The following EARS2 variants were observed in gnomAD, a reference collection of about 807,000 sequenced individuals.
EARS2 encodes the protein nondiscriminating glutamyl-tRNA synthetase EARS2, mitochondrial.
Under a neutral mutation model 54.1 loss-of-function variants are expected in EARS2, and 50 were observed. The ratio of observed to expected loss-of-function variants is 0.92; its 90% CI spans 0.74 to 1.17. The LOEUF (loss-of-function observed/expected upper bound fraction) is 1.17, where lower values mean the gene tolerates loss of function less well. Ranked by LOEUF, EARS2 falls within the 50% of genes most tolerant of loss-of-function variation. The pLI is 0.00. For missense variants in EARS2, 673 were observed against 675.0 expected (o/e 1.00, Z 0.03); for synonymous variants, 298 against 281.0 (o/e 1.06, Z -0.61).
chr16:23,525,056 G>C (rs1965201559), intron 8 of EARS2, 188 bp downstream of exon 8: 1 of 716,670 alleles, frequency 1.4e-6, no homozygotes, highest in Non-Finnish European at 2.3e-6. Flanking sequence ...TGTATTCACT[G>C]TACCTAACAC....
intron 8 of EARS2, among the ~76,000 whole-genome samples, chr16:23,524,847 GT>G (rs1844235441): frequency 2.6e-5 from 4 of 152,026 alleles, no homozygotes; most frequent in Admixed American, 2.0e-4. Flanking sequence ...GTTTCACCAT[GT>G]TGCCCAGGCT....
chr16:23,544,883 C>T, intron 2 of EARS2, 180 bp from the exon 3 acceptor site: 1 of 559,236 alleles, frequency 1.8e-6, no homozygotes, highest in East Asian at 3.1e-5. Flanking sequence ...CTGATGTCGC[C>T]AAGGCTGGAG....
rs746929664 is a variant in EARS2 at position 23,557,332 on chromosome 16, G to C, written c.12C>G (p.Leu4=). Residue 4 remains leucine (L), a synonymous_variant, in exon 1 of 9, where the codon CTC becomes CTG. Coordinates refer to ENST00000449606, the MANE Select transcript of EARS2 (RefSeq NM_001083614.2). MAA[L]LRRLLQRERP... ...TCTCGCGCTGCAGCAGTCTCCTCAG[G>C]AGCGCCGCCATGTGGGATGGAATAG... 8 of 1,548,192 alleles carry C rather than the reference G, an allele frequency of 5.2e-6. No individual in the cohort carries two copies. The highest frequency in any genetic ancestry group is 3.5e-5 in the South Asian group (3 of 85,062).
chr16:23,525,794 G>A (rs981107201), intron 7 of EARS2, among the ~76,000 whole-genome samples: 28 of 151,986 alleles, frequency 1.8e-4, no homozygotes, highest in African/African-American at 6.0e-4. Flanking sequence ...TCAGGTGTTC[G>A]AGACCAACCT....
chr16:23,538,050 T>A (rs529914982), intron 3 of EARS2, among the ~76,000 whole-genome samples: 3 of 151,988 alleles, frequency 2.0e-5, no homozygotes, highest in Admixed American at 6.6e-5. Flanking sequence ...CCCAAAGTGC[T>A]GGGATTACAG....
intron 3 of EARS2, among the ~76,000 whole-genome samples, chr16:23,541,008 A>G (rs1391336352): frequency 6.6e-6 from 1 of 151,064 alleles, no homozygotes; most frequent in African/African-American, 2.4e-5. Flanking sequence ...TAAATAAATA[A>G]ATAAATAACA....
intron 7 of EARS2, among the ~76,000 whole-genome samples, chr16:23,527,694 C>T (rs1356493859): frequency 6.6e-6 from 1 of 151,908 alleles, no homozygotes; most frequent in Non-Finnish European, 1.5e-5. Context: ...GCTGGGACTA[C>T]AGGCGCCCAC....
At chr16:23,547,661 C>G (rs182467220) in intron 2 of EARS2, among the ~76,000 whole-genome samples, 2 of 152,076 alleles carry the variant, frequency 1.3e-5, no homozygotes, top group South Asian at 4.1e-4. Flanking sequence ...TGTGCCACCA[C>G]GCCCAACTAA....
chr16:23,533,866 G>A (rs904442824), intron 4 of EARS2, among the ~76,000 whole-genome samples: 2 of 152,118 alleles, frequency 1.3e-5, no homozygotes, highest in African/African-American at 4.8e-5. Context: ...GAACAGCCTG[G>A]ACAACATGGT....
At chr16:23,527,893 T>C (rs1044288470) in intron 7 of EARS2, among the ~76,000 whole-genome samples, 3 of 152,326 alleles carry the variant, frequency 2.0e-5, no homozygotes, top group Middle Eastern at 3.4e-3. Flanking sequence ...ATGTTCGGAA[T>C]GTTTGTGTTC....
chr16:23,552,463 G>A (rs953702830), intron 1 of EARS2, among the ~76,000 whole-genome samples, 159 bp from the exon 2 acceptor site: 5 of 152,202 alleles, frequency 3.3e-5, no homozygotes, highest in African/African-American at 1.2e-4. Flanking sequence ...GGGAGGCCAA[G>A]GCCGGGGGGA....
chr16:23,556,734 G>A (rs1567393695), intron 1 of EARS2: 11 of 368,796 alleles, frequency 3.0e-5, no homozygotes, highest in Non-Finnish European at 3.7e-5. Flanking sequence ...AATGTTACCT[G>A]CTCAGTAAAG....
chr16:23,529,586 T>G lies in EARS2; in HGVS notation c.1268A>C (p.Tyr423Ser). 1 of 1,613,876 alleles carries G rather than the reference T, an allele frequency of 6.2e-7. No individual in the cohort carries two copies. Among genetic ancestry groups the G allele is most frequent in the South Asian group, 1.1e-5 (1 of 91,038 alleles). ...LQDLVSPVYS[Y>S]LWTRPAVGRA... is the part of the protein sequence containing the mutation. ...ACCTACTGCAGGGCGAGTCCACAGG[T>G]AAGAGTATACTGGGGACACCAAGTC... is the stretch of plus-strand genomic sequence containing the variant. The change falls in exon 7 of 9, where the codon TAC becomes TCC. Residue 423 changes from tyrosine to serine, a missense_variant. Physicochemically the swap from Tyr to Ser is moderately radical, Grantham distance 144 (BLOSUM62 -2). Around this residue, in one of 3 missense-constraint regions of EARS2, gnomAD observed 338 missense variants for 361.2 expected, o/e 0.94. Transcript: ENST00000449606.
At position 23,538,585 on chromosome 16, in the gene EARS2, G is replaced by A. The variant is rs550910567; in HGVS notation, c.486-3225C>T. On this transcript the variant is annotated intron_variant, in intron 3 of 8. Transcript: ENST00000449606. ...TATTGAATATGTTCTGTCCAAGTGC[G>A]GTGGCTCACTCCTGTAATCCCAGCA... 7.2e-5 allele frequency among the ~76,000 whole-genome samples: 11 copies of A among 152,256 alleles called. No homozygotes were observed. In the South Asian group the frequency reaches 1.2e-3, roughly 17 times the overall value.
rs750274338 is a variant in EARS2 at position 23,529,636 on chromosome 16, G to A, written c.1222-4C>T. The A allele has an allele frequency of 3.1e-6, 5 of 1,614,004 alleles. No homozygotes were observed. In the South Asian group the frequency reaches 4.4e-5, roughly 14 times the overall value. ...CCTGCAGGCGGCAAATGTGACCCTG[G>A]GGAAGGAGGCAGTCATTGAATGCAC... On this transcript the variant is annotated splice_region_variant and splice_polypyrimidine_tract_variant and intron_variant, in intron 6 of 8. Coordinates refer to ENST00000449606, the MANE Select transcript of EARS2 (RefSeq NM_001083614.2).
At chr16:23,553,337 G>A (rs536639094) in intron 1 of EARS2, among the ~76,000 whole-genome samples, 4 of 152,112 alleles carry the variant, frequency 2.6e-5, no homozygotes, top group Middle Eastern at 3.4e-3. Context: ...GCCAAGTTTC[G>A]CCTGAAAGAG....
intron 3 of EARS2, among the ~76,000 whole-genome samples, chr16:23,536,279 T>G (rs1965416263): frequency 6.6e-6 from 1 of 152,162 alleles, no homozygotes; most frequent in South Asian, 2.1e-4. Context: ...AAGGTTAGTC[T>G]TTGCCACAGC....
intron 2 of EARS2, among the ~76,000 whole-genome samples, chr16:23,551,317 A>C (rs1055474962): frequency 2.0e-5 from 3 of 152,162 alleles, no homozygotes; most frequent in African/African-American, 2.4e-5. Flanking sequence ...TCTGAGGTGA[A>C]AACAGGAATC....
intron 4 of EARS2, among the ~76,000 whole-genome samples, chr16:23,534,441 AG>A (rs1034057141): frequency 7.2e-5 from 11 of 152,226 alleles, no homozygotes; most frequent in African/African-American, 2.7e-4. Context: ...AAAATGAAGA[AG>A]GAAAAAAAGA....
Sources: gnomAD v4.1 joint callset for allele counts (sites outside exome capture counted in the v4.1 genomes callset) on GRCh38, gnomAD v4.1.1 for gene constraint, gnomAD v4.1.1 regional missense constraint, MANE v1.5 for transcripts, NCBI Gene and HGNC (gene_info 2026-07-23, HGNC 2026-07-21) for gene names.